CAMK4: variants seen among roughly 807,000 people sequenced by gnomAD.
The protein encoded by CAMK4 is calcium/calmodulin-dependent protein kinase type IV.
In CAMK4, 22 loss-of-function variants were observed where a neutral mutation model predicts 44.9. That is an observed-to-expected ratio of 0.49 (90% CI 0.35 to 0.70). CAMK4 has a LOEUF of 0.70. Among genes scored for constraint, CAMK4 ranks in the 30% least tolerant of loss-of-function variants. The pLI, the probability that CAMK4 is intolerant of heterozygous loss-of-function variation, is 0.01. For synonymous variants in CAMK4, 218 were observed against 215.4 expected, an observed-to-expected ratio of 1.01 and a Z score of -0.11; for missense variants, 498 against 586.8, an observed-to-expected ratio of 0.85 and a Z score of 1.56.
At chr5:111,427,354 A>G (rs1418415003) in intron 5 of CAMK4, among the ~76,000 whole-genome samples, 1 of 152,212 alleles carries the variant, frequency 6.6e-6, no homozygotes, top group Non-Finnish European at 1.5e-5. Context: ...CACCAGCAAT[A>G]CATGGGTACT....
chr5:111,406,194 TTCTCTCTCTCTCTC>T (rs10524853), intron 5 of CAMK4, among the ~76,000 whole-genome samples: 1 of 136,852 alleles, frequency 7.3e-6, no homozygotes, highest in South Asian at 2.5e-4. Context: ...CTAATTTATT[TTCTCTCTCTCTCTC>T]TCTCTCTCTC....
chr5:111,443,524 G>A (rs1030400453), intron 5 of CAMK4, among the ~76,000 whole-genome samples: 3 of 151,358 alleles, frequency 2.0e-5, no homozygotes, highest in East Asian at 1.9e-4. Flanking sequence ...ATAGCTCCTC[G>A]TTCTAGTATT....
intron 2 of CAMK4, among the ~76,000 whole-genome samples, chr5:111,362,549 A>G (rs1248938638): frequency 2.0e-5 from 3 of 152,044 alleles, no homozygotes; most frequent in Non-Finnish European, 4.4e-5. Context: ...TTGTGTTACA[A>G]TGGTGGATAT....
chr5:111,451,403 T>C (rs911515939), intron 7 of CAMK4, among the ~76,000 whole-genome samples: 1 of 152,112 alleles, frequency 6.6e-6, no homozygotes, highest in African/African-American at 2.4e-5. Context: ...GTTCAATTGA[T>C]TCTCATTCCT....
intron 5 of CAMK4, among the ~76,000 whole-genome samples, chr5:111,400,549 A>ATCCC (rs1390675024): frequency 6.6e-6 from 1 of 152,020 alleles, no homozygotes; most frequent in Non-Finnish European, 1.5e-5. Flanking sequence ...ATATCTTGCA[A>ATCCC]TCCCTCCCTC....
chr5:111,258,617 T>A (rs1749840868), intron 1 of CAMK4, among the ~76,000 whole-genome samples: 1 of 152,116 alleles, frequency 6.6e-6, no homozygotes, highest in Non-Finnish European at 1.5e-5. Context: ...CATGATTCAG[T>A]TACCAACCCC....
intron 5 of CAMK4, among the ~76,000 whole-genome samples, chr5:111,407,588 G>A (rs1752482571): frequency 6.6e-6 from 1 of 151,978 alleles, no homozygotes; most frequent in Admixed American, 6.6e-5. Flanking sequence ...TGACAGGAAG[G>A]ATATTATCAC....
chr5:111,344,013 T>TC lies in CAMK4; in HGVS notation c.162-6dup. ...GCATAACATTTTCTTTTTGTCTTTT[T>TC]CCCCCTCAAGGGGTGCTACATCCAT... On this transcript the variant is annotated splice_polypyrimidine_tract_variant and intron_variant, in intron 1 of 10. Coordinates refer to ENST00000282356, the MANE Select transcript of CAMK4 (RefSeq NM_001744.6). 1 of 1,546,934 alleles carries TC rather than the reference T, an allele frequency of 6.5e-7. No individual in the cohort carries two copies. The highest frequency in any genetic ancestry group is 8.9e-7 in the Non-Finnish European group (1 of 1,127,350).
intron 4 of CAMK4, among the ~76,000 whole-genome samples, chr5:111,391,927 T>A (rs1242160321): frequency 1.3e-5 from 2 of 152,184 alleles, no homozygotes; most frequent in Non-Finnish European, 2.9e-5. Flanking sequence ...ACATCATGTG[T>A]CAGAAGAAAA....
At chr5:111,297,126 G>A (rs935207480) in intron 1 of CAMK4, among the ~76,000 whole-genome samples, 2 of 152,090 alleles carry the variant, frequency 1.3e-5, no homozygotes, top group African/African-American at 4.8e-5. Flanking sequence ...ACTAAAATGC[G>A]AACTAGAATT....
At chr5:111,459,074 G>A (rs758146263) in intron 7 of CAMK4, among the ~76,000 whole-genome samples, 36 of 152,176 alleles carry the variant, frequency 2.4e-4, no homozygotes, top group Admixed American at 5.2e-4. Flanking sequence ...TTGGCTACTG[G>A]TATCAATGTG....
chr5:111,465,742 C>T (rs1393709123), intron 7 of CAMK4, among the ~76,000 whole-genome samples: 2 of 152,082 alleles, frequency 1.3e-5, no homozygotes, highest in African/African-American at 4.8e-5. Flanking sequence ...AGTCCAAGAC[C>T]AGATGGATTC....
intron 2 of CAMK4, among the ~76,000 whole-genome samples, chr5:111,360,279 T>C (rs1034725832): frequency 1.3e-5 from 2 of 152,092 alleles, no homozygotes; most frequent in African/African-American, 2.4e-5. Context: ...ACCCTGTTAT[T>C]TCCCACTGGC....
At chr5:111,334,287 A>G (rs1749301522) in intron 1 of CAMK4, among the ~76,000 whole-genome samples, 1 of 151,604 alleles carries the variant, frequency 6.6e-6, no homozygotes, top group Non-Finnish European at 1.5e-5. Flanking sequence ...TAAATCAATT[A>G]AGTAGCTTTC....
At chr5:111,459,759 A>C (rs1374316794) in intron 7 of CAMK4, among the ~76,000 whole-genome samples, 1 of 127,934 alleles carries the variant, frequency 7.8e-6, no homozygotes, top group African/African-American at 3.2e-5. Flanking sequence ...CAGTGGCTTG[A>C]TCTCCGCTCA....
At chr5:111,423,153 G>A (rs1304609603) in intron 5 of CAMK4, among the ~76,000 whole-genome samples, 1 of 152,096 alleles carries the variant, frequency 6.6e-6, no homozygotes, top group Admixed American at 6.6e-5. Context: ...AGGAAAACGA[G>A]GCTCCAAATG....
At chr5:111,424,906 G>A (rs1753168464) in intron 5 of CAMK4, among the ~76,000 whole-genome samples, 2 of 151,436 alleles carry the variant, frequency 1.3e-5, no homozygotes, top group Non-Finnish European at 2.9e-5. Context: ...GCTCACACCT[G>A]TAATCCCAGC....
At chr5:111,344,572 C>T (rs1426651383) in intron 2 of CAMK4, among the ~76,000 whole-genome samples, 1 of 151,644 alleles carries the variant, frequency 6.6e-6, no homozygotes, top group Non-Finnish European at 1.5e-5. Flanking sequence ...TTCTAATTTG[C>T]CTTAATTTTC....
intron 1 of CAMK4, among the ~76,000 whole-genome samples, chr5:111,318,897 G>T (rs1360542802): frequency 6.6e-6 from 1 of 152,140 alleles, no homozygotes; most frequent in Non-Finnish European, 1.5e-5. Context: ...GTAAGTAGAT[G>T]TAAGTGGATT....
Sources: gnomAD v4.1 joint callset for allele counts (sites outside exome capture counted in the v4.1 genomes callset) on GRCh38, gnomAD v4.1.1 for gene constraint, MANE v1.5 for transcripts, NCBI Gene and HGNC (gene_info 2026-07-23, HGNC 2026-07-21) for gene names.